The following ADGRL3 variants were observed in gnomAD, a reference collection of about 807,000 sequenced individuals.
The protein encoded by ADGRL3 is calcium-independent alpha-latrotoxin receptor 3.
A neutral mutation model predicts 153.5 loss-of-function variants in ADGRL3; 62 were observed. The ratio of observed to expected loss-of-function variants is 0.40; its 90% confidence interval spans 0.33 to 0.50. The LOEUF is 0.50. ADGRL3 is among the 20% of genes least tolerant of loss of function. The pLI is 0.47. For synonymous variants in ADGRL3, 710 were observed against 672.5 expected (o/e 1.06, Z -0.86); for missense variants, 1,641 against 1,859.4 (o/e 0.88, Z 2.16).
chr4:61,927,364 T>TAA (rs145648218), intron 13 of ADGRL3, among the ~76,000 whole-genome samples: 5 of 150,132 alleles, frequency 3.3e-5, no homozygotes, highest in Admixed American at 1.3e-4. Context: ...ATGCTTTTTT[T>TAA]TAAAAAAAAA....
intron 15 of ADGRL3, among the ~76,000 whole-genome samples, chr4:61,936,695 G>C (rs143728113): frequency 6.6e-6 from 1 of 151,472 alleles, no homozygotes; most frequent in Non-Finnish European, 1.5e-5. Flanking sequence ...ATAGATGTGT[G>C]TGTATATATA....
At chr4:61,352,446 T>C (rs1010296218) in intron 1 of ADGRL3, among the ~76,000 whole-genome samples, 3 of 151,908 alleles carry the variant, frequency 2.0e-5, no homozygotes, top group Non-Finnish European at 4.4e-5. Flanking sequence ...TGGAGTGCAG[T>C]GGTGCGATCT....
At chr4:61,260,972 C>A (rs542131259) in intron 1 of ADGRL3, among the ~76,000 whole-genome samples, 1 of 152,034 alleles carries the variant, frequency 6.6e-6, no homozygotes, top group South Asian at 2.1e-4. Context: ...GAGATCCTCC[C>A]CTCTTGGCAT....
intron 9 of ADGRL3, among the ~76,000 whole-genome samples, chr4:61,816,470 G>C (rs2097689673): frequency 6.6e-6 from 1 of 152,162 alleles, no homozygotes; most frequent in South Asian, 2.1e-4. Flanking sequence ...GCAAGTCACA[G>C]AGCAAATTCA....
chr4:61,787,187 A>G (rs2097286842), intron 8 of ADGRL3, among the ~76,000 whole-genome samples: 2 of 152,156 alleles, frequency 1.3e-5, no homozygotes, highest in East Asian at 3.8e-4. Context: ...AATTGAAGGT[A>G]TCATTTTTCT....
At chr4:61,376,632 T>C (rs2096606237) in intron 1 of ADGRL3, among the ~76,000 whole-genome samples, 1 of 152,186 alleles carries the variant, frequency 6.6e-6, no homozygotes, top group South Asian at 2.1e-4. Flanking sequence ...GTTTTCTAGA[T>C]GTCTGTTCAA....
chr4:61,572,238 G>A (rs972797663), intron 4 of ADGRL3, among the ~76,000 whole-genome samples: 1 of 152,068 alleles, frequency 6.6e-6, no homozygotes, highest in Non-Finnish European at 1.5e-5. Flanking sequence ...CTTTAAAAGT[G>A]CAAATATTAT....
intron 6 of ADGRL3, among the ~76,000 whole-genome samples, chr4:61,686,275 G>C (rs2095441181): frequency 6.6e-6 from 1 of 152,146 alleles, no homozygotes; most frequent in African/African-American, 2.4e-5. Context: ...CAAAGGTAGG[G>C]TTTTCATCCC....
At position 61,972,081 on chromosome 4, in the gene ADGRL3, T is replaced by C. The variant is rs374595819; in HGVS notation, c.2806-7482T>C. ...AGCCCTTTGTCAGATGAGTAGGTTG[T>C]GAAAATTTTCTCCCATTTTGTAGGT... On this transcript the variant is annotated intron_variant, in intron 17 of 26. Transcript: ENST00000683033. Among the ~76,000 whole-genome samples the C allele has an allele frequency of 5.1e-3, 774 of 151,938 alleles. 7 individuals carry two copies. The highest frequency in any genetic ancestry group is 0.015 in the African/African-American group (633 of 41,346).
At chr4:61,907,357 C>A (rs902662703) in intron 11 of ADGRL3, among the ~76,000 whole-genome samples, 12 of 151,984 alleles carry the variant, frequency 7.9e-5, no homozygotes, top group African/African-American at 2.9e-4. Flanking sequence ...CTCCTGGGTT[C>A]AAGCAATTTT....
At chr4:61,913,118 A>G (rs978102510) in intron 13 of ADGRL3, among the ~76,000 whole-genome samples, 1 of 152,106 alleles carries the variant, frequency 6.6e-6, no homozygotes, top group Admixed American at 6.6e-5. Flanking sequence ...CAGAAATGAA[A>G]CTAAATCAGT....
chr4:61,399,456 C>A (rs1407718866), intron 2 of ADGRL3, among the ~76,000 whole-genome samples: 1 of 151,522 alleles, frequency 6.6e-6, no homozygotes, highest in South Asian at 2.1e-4. Context: ...ATTATTAAAA[C>A]AATCCCAATT....
chr4:61,703,017 A>G (rs1213906576), intron 6 of ADGRL3, among the ~76,000 whole-genome samples: 1 of 152,042 alleles, frequency 6.6e-6, no homozygotes, highest in Non-Finnish European at 1.5e-5. Context: ...TATCACTGTG[A>G]TGTTTTTTAA....
At chr4:61,774,962 C>CTGA (rs1308566301) in intron 8 of ADGRL3, among the ~76,000 whole-genome samples, 1 of 152,096 alleles carries the variant, frequency 6.6e-6, no homozygotes, top group Non-Finnish European at 1.5e-5. Flanking sequence ...CGTCTCCAGG[C>CTGA]TGATAAAGGT....
rs191942079 is a variant in ADGRL3, at chr4:61,421,136, C to A, written c.-174+37947C>A. ...GATCACGAGGTCAGGAGATCGAGAC[C>A]ATCCTGGCTAACACGGTGAAACCCC... On this transcript the variant is annotated intron_variant, in intron 2 of 26. Transcript: ENST00000683033. 2.0e-5 allele frequency among the ~76,000 whole-genome samples: 3 copies of A among 152,196 alleles called. No homozygotes were observed. In the East Asian group the frequency reaches 5.8e-4, roughly 30 times the overall value.
At chr4:61,668,148 T>G (rs1472239810) in intron 5 of ADGRL3, among the ~76,000 whole-genome samples, 1 of 152,186 alleles carries the variant, frequency 6.6e-6, no homozygotes, top group Non-Finnish European at 1.5e-5. Flanking sequence ...GCCATAAATG[T>G]AATCACATTG....
intron 3 of ADGRL3, among the ~76,000 whole-genome samples, chr4:61,507,598 GAATT>G: frequency 6.6e-6 from 1 of 152,272 alleles, no homozygotes; most frequent in African/African-American, 2.4e-5. Context: ...ATCTCATCTT[GAATT>G]GTACTTCTAT....
intron 2 of ADGRL3, chr4:61,425,293 C>G (rs913129399): frequency 6.6e-6 from 1 of 152,234 alleles, no homozygotes; most frequent in Non-Finnish European, 1.5e-5. Flanking sequence ...TTTTGCCATG[C>G]CCCCTATCCA....
chr4:61,231,989 A>T (rs1750851920), intron 1 of ADGRL3, among the ~76,000 whole-genome samples: 1 of 151,780 alleles, frequency 6.6e-6, no homozygotes, highest in Non-Finnish European at 1.5e-5. Flanking sequence ...ATTACTAGAT[A>T]GATAAATTAG....
Sources: gnomAD v4.1 joint callset for allele counts (sites outside exome capture counted in the v4.1 genomes callset) on GRCh38, gnomAD v4.1.1 for gene constraint, MANE v1.5 for transcripts, NCBI Gene and HGNC (gene_info 2026-07-23, HGNC 2026-07-21) for gene names.